Variants in GUCY2F observed in about 807,000 individuals in gnomAD.
GUCY2F encodes retinal guanylyl cyclase 2.
In GUCY2F, 61 loss-of-function variants were observed where a neutral mutation model predicts 73.1. That is an observed-to-expected ratio of 0.83 (90% CI 0.68 to 1.03). The LOEUF (loss-of-function observed/expected upper bound fraction) is 1.03. GUCY2F is among the 50% of genes least tolerant of loss of function. The probability of loss-of-function intolerance (pLI) is 0.00; values close to 1 mark genes in which losing one functional copy is unlikely to be tolerated. For missense variants in GUCY2F, 912 were observed against 854.3 expected, an observed-to-expected ratio of 1.07 and a Z score of -0.84; for synonymous variants, 331 against 307.8, an observed-to-expected ratio of 1.08 and a Z score of -0.79.
At chrX:109,442,007 G>A (rs1931884131) in intron 6 of GUCY2F, among the ~76,000 whole-genome samples, 4 of 110,997 alleles carry the variant, frequency 3.6e-5, no homozygotes, top group South Asian at 3.8e-4. Flanking sequence ...TAAGATTAAC[G>A]GCAGAGGGTA....
At chrX:109,422,676 A>G (rs1931397341) in intron 8 of GUCY2F, among the ~76,000 whole-genome samples, 1 of 112,270 alleles carries the variant, frequency 8.9e-6, no homozygotes, top group Non-Finnish European at 1.9e-5. Context: ...TGTGCAGGAA[A>G]GTAAAATGAG....
chrX:109,414,352 T>C (rs1028982564), intron 8 of GUCY2F, among the ~76,000 whole-genome samples: 1 of 111,435 alleles, frequency 9.0e-6, no homozygotes, highest in Non-Finnish European at 1.9e-5. Flanking sequence ...TTTTATTTTG[T>C]TGTAAAGAGC....
chrX:109,477,330 A>C (rs928175117), intron 1 of GUCY2F, among the ~76,000 whole-genome samples: 9 of 112,030 alleles, frequency 8.0e-5, no homozygotes, highest in Non-Finnish European at 1.5e-4. Flanking sequence ...AAATGGCACA[A>C]GTCTCTGAGA....
intron 2 of GUCY2F, among the ~76,000 whole-genome samples, chrX:109,465,754 C>T (rs1008294913): frequency 8.9e-6 from 1 of 111,898 alleles, no homozygotes; most frequent in Non-Finnish European, 1.9e-5. Flanking sequence ...AGCTTTACAT[C>T]GTAACACCAC....
At chrX:109,444,505 A>C (rs1381833188) in intron 6 of GUCY2F, among the ~76,000 whole-genome samples, 2 of 111,890 alleles carry the variant, frequency 1.8e-5, no homozygotes, top group East Asian at 5.6e-4. Context: ...CCACTACCAT[A>C]CTATAAATTA....
At chrX:109,436,465 G>A (rs1159291362) in intron 7 of GUCY2F, among the ~76,000 whole-genome samples, 1 of 111,254 alleles carries the variant, frequency 9.0e-6, no homozygotes, top group African/African-American at 3.3e-5. Flanking sequence ...AAATCATGCT[G>A]CTATAAAGAC....
At chrX:109,424,575 G>A (rs1023534614) in intron 8 of GUCY2F, among the ~76,000 whole-genome samples, 10 of 110,970 alleles carry the variant, frequency 9.0e-5, no homozygotes, top group African/African-American at 3.3e-4. Flanking sequence ...GACTTTGGGT[G>A]AAAATGATGT....
chrX:109,410,447 T>A (rs1451988245), intron 8 of GUCY2F, among the ~76,000 whole-genome samples: 1 of 112,391 alleles, frequency 8.9e-6, no homozygotes, highest in African/African-American at 3.2e-5. Flanking sequence ...GGCCAGAGCT[T>A]ATACAATTTT....
intron 8 of GUCY2F, among the ~76,000 whole-genome samples, chrX:109,415,709 C>A (rs2147263522): frequency 8.9e-6 from 1 of 112,190 alleles, no homozygotes; most frequent in African/African-American, 3.2e-5. Flanking sequence ...AACACAGCTT[C>A]AATCCTGCTC....
rs1320147090 is a variant in GUCY2F, at chrX:109,396,855, T to G, written c.2276-1366A>C. Among the ~76,000 whole-genome samples the G allele has an allele frequency of 5.3e-5, 6 of 112,290 alleles. No individual in the cohort carries two copies. In the Admixed American group the frequency reaches 5.7e-4, roughly 11 times the overall value. The stretch of plus-strand genomic sequence containing the variant: ...CTCAGTACAACAGATTCCATGAGCA[T>G]GTACTCCCTGAAACTTGACTGCCTC... On this transcript the variant is annotated intron_variant, in intron 11 of 19. Transcript: ENST00000218006.
intron 9 of GUCY2F, among the ~76,000 whole-genome samples, chrX:109,404,775 C>G (rs1004993309): frequency 8.1e-5 from 9 of 111,759 alleles, no homozygotes; most frequent in Non-Finnish European, 1.3e-4. Flanking sequence ...CATATAATTA[C>G]CAGGAATTTG....
intron 7 of GUCY2F, among the ~76,000 whole-genome samples, chrX:109,431,745 T>C (rs772388509): frequency 9.4e-6 from 1 of 106,074 alleles, no homozygotes; most frequent in South Asian, 4.4e-4. Flanking sequence ...TTAAGGAATA[T>C]ATCCAGCTAT....
At chrX:109,420,245 AAAAG>A (rs1197297076) in intron 8 of GUCY2F, among the ~76,000 whole-genome samples, 1 of 103,775 alleles carries the variant, frequency 9.6e-6, no homozygotes, top group Non-Finnish European at 2.0e-5. Context: ...AAGAAGAAGA[AAAAG>A]AAAGAGAGAG....
chrX:109,411,255 C>CAAAA (rs60845603), intron 8 of GUCY2F, among the ~76,000 whole-genome samples: 1 of 43,394 alleles, frequency 2.3e-5, no homozygotes, highest in Non-Finnish European at 5.0e-5. Flanking sequence ...ACTCCATTTT[C>CAAAA]AAAAAAAAAA....
intron 3 of GUCY2F, among the ~76,000 whole-genome samples, chrX:109,455,515 AT>A (rs1932239307): frequency 8.9e-6 from 1 of 111,924 alleles, no homozygotes; most frequent in African/African-American, 3.2e-5. Flanking sequence ...AGCATTCTTG[AT>A]TGGAATATAT....
At chrX:109,459,373 G>A (rs907067143) in intron 3 of GUCY2F, among the ~76,000 whole-genome samples, 1 of 111,464 alleles carries the variant, frequency 9.0e-6, no homozygotes, top group Admixed American at 9.5e-5. Context: ...ACCAAGTACT[G>A]TAGAAGTGAA....
chrX:109,465,161 T>G lies in GUCY2F; in HGVS notation c.1013A>C (p.Glu338Ala), dbSNP rs917652363. Residue 338 changes from glutamate (E) to alanine (A), a missense_variant, in exon 3 of 20, where the codon GAG (glutamate) becomes GCG (alanine). Glu to Ala is a moderately radical substitution (Grantham distance 107). Transcript: ENST00000218006. Reference protein sequence around the residue: ...TEAAARGEIPEKLEFDQVSPL... With the variant: ...TEAAARGEIPAKLEFDQVSPL... ...ACTTACTTGATCGAACTCCAGCTTCTCAGGAATTTCACCTCTTGCTGCTGC... is the reference window on the plus strand; with the variant it reads ...ACTTACTTGATCGAACTCCAGCTTCGCAGGAATTTCACCTCTTGCTGCTGC... 2.5e-6 allele frequency: 3 copies of G among 1,208,913 alleles called. No homozygotes were observed. Among genetic ancestry groups the G allele is most frequent in the Non-Finnish European group, 3.4e-6 (3 of 893,050 alleles).
rs781235330 is a variant in GUCY2F at position 109,430,319 on chromosome X, A to C, written c.1779T>G (p.Asp593Glu). 9.4e-7 allele frequency: 1 copy of C among 1,062,877 alleles called. No homozygotes were observed. The highest frequency in any genetic ancestry group is 1.3e-6 in the Non-Finnish European group (1 of 760,079). 87.6% of individuals were successfully genotyped at this position (1,062,877 alleles called of 1,213,427 possible). A position where few individuals can be genotyped will look rare whatever the true frequency, so the allele number is the denominator to read the frequency against. ...AGATTTCTCATACCATTTCGAACAC[A>C]TCACTTGCTCTTGATTTGATGGACT... ...DLKSIKSRAS[D>E]VFEMMKDLRH... Residue 593 changes from aspartate (D) to glutamate (E), a missense_variant, in exon 8 of 20, where the codon GAT becomes GAG. Coordinates refer to ENST00000218006, the MANE Select transcript of GUCY2F (RefSeq NM_001522.3).
chrX:109,468,096 T>G (rs982590898), intron 2 of GUCY2F, among the ~76,000 whole-genome samples: 18 of 111,701 alleles, frequency 1.6e-4, no homozygotes, highest in African/African-American at 5.9e-4. Flanking sequence ...TCCTACTGTC[T>G]TCTCTTCCTC....
Sources: gnomAD v4.1 joint callset for allele counts (sites outside exome capture counted in the v4.1 genomes callset) on GRCh38, gnomAD v4.1.1 for gene constraint, MANE v1.5 for transcripts, NCBI Gene and HGNC (gene_info 2026-07-23, HGNC 2026-07-21) for gene names.